The following PPFIA2 variants were observed in gnomAD, a reference collection of about 807,000 sequenced individuals.
The protein encoded by PPFIA2 is PPFI scaffold protein A2.
Under a neutral mutation model 175.5 loss-of-function variants are expected in PPFIA2, and 46 were observed. The observed-to-expected ratio is 0.26, with a 90% confidence interval of 0.21 to 0.34. PPFIA2 has a LOEUF of 0.34. PPFIA2 is among the 10% of genes least tolerant of loss of function. The pLI is 1.00. For missense variants in PPFIA2, 1,179 were observed against 1,506.1 expected (o/e 0.78, Z 3.60); for synonymous variants, 568 against 511.4 (o/e 1.11, Z -1.49).
intron 7 of PPFIA2, among the ~76,000 whole-genome samples, chr12:81,412,436 A>G (rs1000113685): frequency 2.0e-5 from 3 of 151,534 alleles, no homozygotes; most frequent in Non-Finnish European, 4.4e-5. Context: ...TAAGTACATT[A>G]TATAAATTTG....
chr12:81,524,804 T>A (rs963516393), intron 4 of PPFIA2, among the ~76,000 whole-genome samples: 8 of 152,350 alleles, frequency 5.3e-5, no homozygotes, highest in African/African-American at 1.9e-4. Flanking sequence ...TTAAAATTCA[T>A]ATGTTCAAAC....
chr12:81,491,344 T>A (rs2059398868), intron 4 of PPFIA2, among the ~76,000 whole-genome samples: 1 of 151,956 alleles, frequency 6.6e-6, no homozygotes, highest in African/African-American at 2.4e-5. Flanking sequence ...GACATTTTAT[T>A]TCCTCATCTC....
intron 4 of PPFIA2, among the ~76,000 whole-genome samples, chr12:81,663,288 C>T (rs887173810): frequency 7.2e-5 from 11 of 152,260 alleles, no homozygotes; most frequent in African/African-American, 2.6e-4. Flanking sequence ...ATCTAGAAAA[C>T]CCCATCGTCT....
At chr12:81,281,891 A>C (rs2042164521) in intron 26 of PPFIA2, among the ~76,000 whole-genome samples, 1 of 152,048 alleles carries the variant, frequency 6.6e-6, no homozygotes, top group African/African-American at 2.4e-5. Flanking sequence ...GTGAAATGGG[A>C]ACCTCAGTAA....
At chr12:81,631,219 C>T (rs1232095426) in intron 4 of PPFIA2, among the ~76,000 whole-genome samples, 1 of 151,944 alleles carries the variant, frequency 6.6e-6, no homozygotes, top group African/African-American at 2.4e-5. Context: ...AATTTTTTAA[C>T]CTGATTCTTA....
intron 4 of PPFIA2, among the ~76,000 whole-genome samples, chr12:81,466,953 T>C (rs1026969923): frequency 9.4e-5 from 14 of 148,366 alleles, no homozygotes; most frequent in Non-Finnish European, 1.6e-4. Flanking sequence ...AATATATATA[T>C]ATTAAAAACC....
intron 24 of PPFIA2, among the ~76,000 whole-genome samples, chr12:81,289,051 G>A (rs1365144319): frequency 6.6e-6 from 1 of 151,776 alleles, no homozygotes; most frequent in Non-Finnish European, 1.5e-5. Flanking sequence ...GACCTTAGGT[G>A]AGTCAGTTTA....
intron 4 of PPFIA2, among the ~76,000 whole-genome samples, chr12:81,507,204 T>C (rs1456303769): frequency 2.0e-5 from 3 of 152,206 alleles, no homozygotes; most frequent in Non-Finnish European, 4.4e-5. Context: ...TTGGTTCATA[T>C]TGATTTTCTT....
intron 3 of PPFIA2, among the ~76,000 whole-genome samples, chr12:81,727,278 G>A (rs2080220427): frequency 6.6e-6 from 1 of 151,274 alleles, no homozygotes; most frequent in South Asian, 2.1e-4. Flanking sequence ...AGTACTAGGA[G>A]TCAGAAATAA....
intron 4 of PPFIA2, among the ~76,000 whole-genome samples, chr12:81,510,744 T>C (rs984899285): frequency 2.0e-5 from 3 of 152,070 alleles, no homozygotes; most frequent in Non-Finnish European, 2.9e-5. Flanking sequence ...AAAATTAATA[T>C]AGTGATGTAC....
At chr12:81,415,136 G>C (rs1260628401) in intron 7 of PPFIA2, among the ~76,000 whole-genome samples, 2 of 111,200 alleles carry the variant, frequency 1.8e-5, no homozygotes, top group African/African-American at 6.8e-5. Context: ...TTTGAGGTAA[G>C]AATGAGAGGT....
chr12:81,679,466 A>G (rs867838859), intron 3 of PPFIA2, among the ~76,000 whole-genome samples: 7 of 151,882 alleles, frequency 4.6e-5, no homozygotes, highest in Admixed American at 4.6e-4. Flanking sequence ...GATCATTAAG[A>G]TTTCTTATCT....
At chr12:81,417,117 G>A (rs1203150058) in intron 7 of PPFIA2, 2 of 151,646 alleles carry the variant, frequency 1.3e-5, no homozygotes, top group Admixed American at 1.3e-4. Flanking sequence ...TCATGTCTTT[G>A]TCTTCTGTTT....
chr12:81,572,509 ACT>A (rs2153415715), intron 4 of PPFIA2, among the ~76,000 whole-genome samples: 1 of 152,072 alleles, frequency 6.6e-6, no homozygotes, highest in African/African-American at 2.4e-5. Context: ...CTATTTGTAT[ACT>A]CAATGCCAAA....
intron 3 of PPFIA2, among the ~76,000 whole-genome samples, chr12:81,739,419 AC>A (rs1164867389): frequency 1.3e-5 from 2 of 152,032 alleles, no homozygotes; most frequent in African/African-American, 4.8e-5. Context: ...CTTTTAAATA[AC>A]CTTTTTATAA....
intron 3 of PPFIA2, among the ~76,000 whole-genome samples, chr12:81,683,376 C>A (rs2073975804): frequency 6.6e-6 from 1 of 151,724 alleles, no homozygotes; most frequent in African/African-American, 2.4e-5. Flanking sequence ...AGCTTTCTAA[C>A]TGTTGTCCAT....
chr12:81,621,236 A>C (rs904180499), intron 4 of PPFIA2, among the ~76,000 whole-genome samples: 7 of 152,186 alleles, frequency 4.6e-5, no homozygotes, highest in African/African-American at 1.7e-4. Context: ...TGCAAATCCA[A>C]AGGTGCTAGG....
At chr12:81,592,139 A>C (rs2058740809) in intron 4 of PPFIA2, among the ~76,000 whole-genome samples, 1 of 152,162 alleles carries the variant, frequency 6.6e-6, no homozygotes, top group Admixed American at 6.5e-5. Context: ...GCTGGATTTC[A>C]GACTTGCATG....
chr12:81,479,327 T>C (rs1021147764), intron 4 of PPFIA2, among the ~76,000 whole-genome samples: 2 of 152,170 alleles, frequency 1.3e-5, no homozygotes. Flanking sequence ...TGTATTTGCA[T>C]GTGAGATGGT....
Sources: allele counts gnomAD v4.1 joint callset (sites outside exome capture counted in the v4.1 genomes callset), GRCh38; gene constraint gnomAD v4.1.1; transcripts MANE v1.5; gene names NCBI Gene and HGNC (gene_info 2026-07-23, HGNC 2026-07-21).